SLC4A10: variants seen among roughly 807,000 people sequenced by gnomAD.
The protein encoded by SLC4A10 is solute carrier family 4 member 10, also known as sodium-driven chloride bicarbonate exchanger.
In SLC4A10, 42 loss-of-function variants were observed where a neutral mutation model predicts 137.7. The ratio of observed to expected loss-of-function variants is 0.30; its 90% CI spans 0.24 to 0.39. The LOEUF is 0.39. Ranked by LOEUF, SLC4A10 falls within the 10% of genes least tolerant of loss-of-function variation. SLC4A10 has a pLI of 1.00. For synonymous variants in SLC4A10, 474 were observed against 464.1 expected (o/e 1.02, Z -0.27); for missense variants, 925 against 1,355.0 (o/e 0.68, Z 4.98).
In SLC4A10 at chr2:161,894,897, T is replaced by TTATC. The variant is rs765899353; in HGVS notation, c.1341+75_1341+76insCTAT. On this transcript the variant is annotated intron_variant, in intron 11 of 26. Transcript: ENST00000446997. ...TTTTAAATGCATGTTTTATTTTATT[T>TTATC]TATTTATTTATTTATTTATTTTATT... The TTATC allele has an allele frequency of 5.9e-5, 45 of 768,992 alleles. No homozygotes were observed. In the East Asian group the frequency reaches 1.3e-3, roughly 22 times the overall value. The allele number at this position is 768,992 out of a possible 1,614,324, so 47.6% of individuals were successfully genotyped here. A position where few individuals can be genotyped will look rare whatever the true frequency, so the allele number is the denominator to read the frequency against.
At chr2:161,714,707 C>T (rs181147471) in intron 1 of SLC4A10, among the ~76,000 whole-genome samples, 5 of 152,050 alleles carry the variant, frequency 3.3e-5, no homozygotes, top group African/African-American at 7.2e-5. Context: ...GAGCGGGACT[C>T]CTGTGTTATG....
chr2:161,696,155 A>G lies in SLC4A10; in HGVS notation c.48+71589A>G, dbSNP rs1032786102. 2.7e-5 allele frequency among the ~76,000 whole-genome samples: 4 copies of G among 149,500 alleles called. No individual in the cohort carries two copies. In the South Asian group the frequency reaches 6.4e-4, roughly 24 times the overall value. ...TCAATTCCCACCTATGCATGAGAAC[A>G]TGTGGTGTTTGTTTTTTTGTCCCTG... On this transcript the variant is annotated intron_variant, in intron 1 of 26. Coordinates refer to ENST00000446997, the MANE Select transcript of SLC4A10 (RefSeq NM_001178015.2).
At chr2:161,715,585 T>C (rs932336530) in intron 1 of SLC4A10, among the ~76,000 whole-genome samples, 1 of 152,046 alleles carries the variant, frequency 6.6e-6, no homozygotes, top group Non-Finnish European at 1.5e-5. Context: ...AGTGAGAACA[T>C]GTGGTATTTG....
chr2:161,673,413 A>T (rs2039947633), intron 1 of SLC4A10, among the ~76,000 whole-genome samples: 1 of 152,202 alleles, frequency 6.6e-6, no homozygotes, highest in African/African-American at 2.4e-5. Flanking sequence ...TATTTTAAAA[A>T]AGAGAAGTTA....
chr2:161,868,513 C>G lies in SLC4A10; in HGVS notation c.767-3780C>G, dbSNP rs138318682. Among the ~76,000 whole-genome samples, 23 of 151,472 alleles carry G rather than the reference C, an allele frequency of 1.5e-4. 1 individual carries two copies. In the East Asian group the frequency reaches 4.4e-3, roughly 29 times the overall value. On this transcript the variant is annotated intron_variant, in intron 6 of 26. Coordinates refer to ENST00000446997, the MANE Select transcript of SLC4A10 (RefSeq NM_001178015.2). Reference sequence around the variant, plus strand: ...TAGAAAAATTCATGGTCTATAATAACTTTTTATCTGACACATATGATCCCT... The same window carrying G: ...TAGAAAAATTCATGGTCTATAATAAGTTTTTATCTGACACATATGATCCCT...
At chr2:161,913,895 A>C (rs764839511) in intron 15 of SLC4A10, among the ~76,000 whole-genome samples, 21 of 152,238 alleles carry the variant, frequency 1.4e-4, no homozygotes, top group Admixed American at 5.2e-4. Context: ...CTATTGGATA[A>C]TTTTCATTAA....
chr2:161,625,323 A>G (rs548431523), intron 1 of SLC4A10, among the ~76,000 whole-genome samples: 19 of 151,700 alleles, frequency 1.3e-4, no homozygotes, highest in African/African-American at 3.9e-4. Context: ...CCTCTCCACA[A>G]TCTCTCTGTC....
intron 1 of SLC4A10, among the ~76,000 whole-genome samples, chr2:161,755,853 C>T (rs1309533360): frequency 6.6e-6 from 1 of 151,784 alleles, no homozygotes; most frequent in African/African-American, 2.4e-5. Context: ...TCACTGCAAC[C>T]TCTGCCTCCC....
Position 161,862,868 on chromosome 2 carries a change from C to T in SLC4A10, c.578-6C>T. 1.3e-6 allele frequency: 2 copies of T among 1,579,486 alleles called. No individual in the cohort carries two copies. The highest frequency in any genetic ancestry group is 1.7e-6 in the Non-Finnish European group (2 of 1,160,812). On this transcript the variant is annotated splice_polypyrimidine_tract_variant and splice_region_variant and intron_variant, in intron 5 of 26. Coordinates refer to ENST00000446997, the MANE Select transcript of SLC4A10 (RefSeq NM_001178015.2). ...TGCTTATCTTCTTCCGGCCTTTTCT[C>T]TTCAGATATGGTTCTTGACCAACAA... is the stretch of plus-strand genomic sequence containing the variant.
intron 4 of SLC4A10, among the ~76,000 whole-genome samples, chr2:161,848,201 A>G (rs1584532): frequency 0.7 from 106,374 of 151,966 alleles, 37,566 homozygotes; most frequent in East Asian, 0.99. Flanking sequence ...GTCTGTTAAT[A>G]TCTTTTGCCC....
chr2:161,971,786 C>T (rs181334373), intron 23 of SLC4A10, among the ~76,000 whole-genome samples: 1 of 152,316 alleles, frequency 6.6e-6, no homozygotes, highest in Non-Finnish European at 1.5e-5. Context: ...TGCTCTGCCA[C>T]CCTTCTCTTC....
intron 15 of SLC4A10, among the ~76,000 whole-genome samples, chr2:161,921,951 T>A (rs1348151533): frequency 2.0e-5 from 3 of 152,168 alleles, no homozygotes; most frequent in Non-Finnish European, 2.9e-5. Flanking sequence ...GTTAAATCAG[T>A]CAGTTGTCAT....
At chr2:161,760,264 G>T (rs905509278) in intron 1 of SLC4A10, among the ~76,000 whole-genome samples, 1 of 151,752 alleles carries the variant, frequency 6.6e-6, no homozygotes, top group Non-Finnish European at 1.5e-5. Flanking sequence ...TCTGTGCTAT[G>T]TTCTGTGTAA....
At chr2:161,730,460 C>T (rs2046700981) in intron 1 of SLC4A10, among the ~76,000 whole-genome samples, 1 of 152,174 alleles carries the variant, frequency 6.6e-6, no homozygotes, top group Non-Finnish European at 1.5e-5. Flanking sequence ...AACCTATTAT[C>T]TATCTATTTA....
chr2:161,683,020 T>A (rs1041294815), intron 1 of SLC4A10, among the ~76,000 whole-genome samples: 2 of 152,082 alleles, frequency 1.3e-5, no homozygotes, highest in African/African-American at 4.8e-5. Flanking sequence ...TAAATAAGTT[T>A]ACAACAAAAT....
rs115902051 is a variant in SLC4A10, at chr2:161,780,292, C to T, written c.130+9238C>T. Among the ~76,000 whole-genome samples the T allele has an allele frequency of 3.1e-3, 474 of 152,108 alleles. 2 individuals carry two copies. Among genetic ancestry groups the T allele is most frequent in the African/African-American group, 0.011 (454 of 41,528 alleles). On this transcript the variant is annotated intron_variant, in intron 2 of 26. Coordinates refer to ENST00000446997, the MANE Select transcript of SLC4A10 (RefSeq NM_001178015.2). ...TAATCACTCATCACAATATTCCTGA[C>T]TCACAAGAAGACAACAGTCATAAAT...
intron 19 of SLC4A10, among the ~76,000 whole-genome samples, chr2:161,952,808 G>A (rs1462195047): frequency 6.6e-6 from 1 of 152,198 alleles, no homozygotes; most frequent in African/African-American, 2.4e-5. Flanking sequence ...TCTATAGAGT[G>A]TGGTCTGATG....
intron 4 of SLC4A10, among the ~76,000 whole-genome samples, chr2:161,846,222 G>A (rs142536670): frequency 1.3e-5 from 2 of 152,204 alleles, no homozygotes; most frequent in East Asian, 3.9e-4. Context: ...ATGGAAAAAT[G>A]TTCAATATCA....
chr2:161,900,621 C>G (rs1682873719), intron 11 of SLC4A10, among the ~76,000 whole-genome samples: 1 of 152,068 alleles, frequency 6.6e-6, no homozygotes, highest in Non-Finnish European at 1.5e-5. Flanking sequence ...ATGGCATACA[C>G]TAGGCACTCA....
Sources: allele counts gnomAD v4.1 joint callset (sites outside exome capture counted in the v4.1 genomes callset), GRCh38; gene constraint gnomAD v4.1.1; transcripts MANE v1.5; gene names NCBI Gene and HGNC (gene_info 2026-07-23, HGNC 2026-07-21).